Variants in GPC4 observed in about 807,000 individuals in gnomAD.
The protein encoded by GPC4 is glypican 4.
Under a neutral mutation model 35.0 loss-of-function variants are expected in GPC4, and 10 were observed. The ratio of observed to expected loss-of-function variants is 0.29; its 90% confidence interval spans 0.18 to 0.48. GPC4 has a LOEUF of 0.48. Among genes scored for constraint, GPC4 ranks in the 20% least tolerant of loss-of-function variants. GPC4 has a pLI of 0.99. For synonymous variants in GPC4, 167 were observed against 170.2 expected, an observed-to-expected ratio of 0.98 and a Z score of 0.15; for missense variants, 322 against 451.3, an observed-to-expected ratio of 0.71 and a Z score of 2.60.
intron 1 of GPC4, among the ~76,000 whole-genome samples, chrX:133,396,162 T>C (rs2068741942): frequency 8.9e-6 from 1 of 111,897 alleles, no homozygotes; most frequent in Non-Finnish European, 1.9e-5. Flanking sequence ...AACAAATTAA[T>C]GGTCCCTAGG....
intron 1 of GPC4, among the ~76,000 whole-genome samples, chrX:133,404,114 G>C (rs1177119785): frequency 8.9e-6 from 1 of 111,907 alleles, no homozygotes; most frequent in Non-Finnish European, 1.9e-5. Flanking sequence ...AGGGAAACCA[G>C]TATTCAAATG....
intron 1 of GPC4, among the ~76,000 whole-genome samples, chrX:133,351,407 T>C (rs1432982945): frequency 1.0e-5 from 1 of 97,182 alleles, no homozygotes; most frequent in African/African-American, 3.8e-5. Context: ...AAAACCTAAA[T>C]AGATCACGTG....
At chrX:133,311,606 A>G in intron 3 of GPC4, 183 bp from the exon 4 acceptor site, 4 of 474,552 alleles carry the variant, frequency 8.4e-6, no homozygotes, top group Non-Finnish European at 1.5e-5. Context: ...ATGTTGGGAC[A>G]GGGGAGAGGA....
chrX:133,397,457 T>C (rs2068748561), intron 1 of GPC4, among the ~76,000 whole-genome samples: 1 of 107,736 alleles, frequency 9.3e-6, no homozygotes, highest in Admixed American at 1.0e-4. Context: ...CTTGGGAGGG[T>C]GAGGTGGGAG....
At chrX:133,411,932 T>A (rs1281833073) in intron 1 of GPC4, among the ~76,000 whole-genome samples, 1 of 111,088 alleles carries the variant, frequency 9.0e-6, no homozygotes, top group Non-Finnish European at 1.9e-5. Flanking sequence ...CTAACTATGA[T>A]CTATAAAGAC....
In GPC4 at chrX:133,404,866, A is replaced by AAAAAAAAAAAAAAAAAG. The variant is rs753375530; in HGVS notation, c.160+9939_160+9940insCTTTTTTTTTTTTTTTT. Among the ~76,000 whole-genome samples the AAAAAAAAAAAAAAAAAG allele has an allele frequency of 7.4e-4, 66 of 89,261 alleles. 5 individuals are homozygous for AAAAAAAAAAAAAAAAAG. The highest frequency in any genetic ancestry group is 3.2e-3 in the African/African-American group (62 of 19,219). The allele number at this position is 89,261 out of a possible 115,157, so 77.5% of individuals were successfully genotyped here. On this transcript the variant is annotated intron_variant, in intron 1 of 8. Transcript: ENST00000370828. Reference sequence around the variant, plus strand: ...GACCCTGTCTCAAAAAAAAAAAAAAAAAGGTGCAGAGGAACAAAATCATAA... The same window carrying AAAAAAAAAAAAAAAAAG: ...GACCCTGTCTCAAAAAAAAAAAAAAAAAAAAAAAAAAAAAAAGAAGGTGCAGAGGAACAAAATCATAA...
At chrX:133,401,559 T>C (rs1270399208) in intron 1 of GPC4, among the ~76,000 whole-genome samples, 1 of 111,995 alleles carries the variant, frequency 8.9e-6, no homozygotes, top group Non-Finnish European at 1.9e-5. Context: ...TACAAGAAAA[T>C]TGATGCAGTC....
intron 1 of GPC4, among the ~76,000 whole-genome samples, chrX:133,378,699 G>C (rs1023852099): frequency 9.0e-6 from 1 of 111,443 alleles, no homozygotes; most frequent in African/African-American, 3.3e-5. Flanking sequence ...CAAAGAATTG[G>C]AATCATATAA....
intron 1 of GPC4, among the ~76,000 whole-genome samples, chrX:133,374,162 T>A (rs1270745227): frequency 9.0e-6 from 1 of 111,578 alleles, no homozygotes. Context: ...ATGATAGTGC[T>A]GAGCTGCAAG....
At chrX:133,407,281 G>A (rs991817828) in intron 1 of GPC4, among the ~76,000 whole-genome samples, 1 of 110,723 alleles carries the variant, frequency 9.0e-6, no homozygotes, top group Admixed American at 9.7e-5. Flanking sequence ...AAAGGTATTT[G>A]ACAACAAATT....
Position 133,415,263 on chromosome X carries a change from G to A in GPC4, c.-298C>T. The stretch of plus-strand genomic sequence containing the variant: ...GGGCTGGTGACCTCGGGGTTTCGCG[G>A]GGCAGCGAACCCGGCAAGCTGACTG... On this transcript the variant is annotated 5_prime_UTR_variant, in exon 1 of 9. Transcript: ENST00000370828. The A allele has an allele frequency of 3.7e-6, 1 of 273,505 alleles. No homozygotes were observed. Among genetic ancestry groups the A allele is most frequent in the South Asian group, 8.6e-5 (1 of 11,649 alleles). 22.5% of individuals were successfully genotyped at this position (273,505 alleles called of 1,213,427 possible). A position where few individuals can be genotyped will look rare whatever the true frequency, so the allele number is the denominator to read the frequency against.
intron 1 of GPC4, among the ~76,000 whole-genome samples, chrX:133,362,668 T>C (rs2068574201): frequency 2.7e-5 from 3 of 112,005 alleles, no homozygotes; most frequent in African/African-American, 9.7e-5. Flanking sequence ...GCTTACAATA[T>C]TGCCAGCATT....
At chrX:133,365,158 A>C (rs2068584612) in intron 1 of GPC4, among the ~76,000 whole-genome samples, 1 of 109,896 alleles carries the variant, frequency 9.1e-6, no homozygotes, top group Admixed American at 9.7e-5. Context: ...AAGCTTCTCA[A>C]TTTTTTTTTC....
intron 3 of GPC4, among the ~76,000 whole-genome samples, chrX:133,320,523 C>T (rs1164230660): frequency 9.5e-6 from 1 of 104,845 alleles, no homozygotes; most frequent in Admixed American, 1.1e-4. Context: ...ACTTGGGAGG[C>T]TGAGGCAGGA....
Position 133,305,900 on chromosome X carries a change from G to A in GPC4, c.1027C>T (p.Pro343Ser), listed in dbSNP as rs1484386047. 1 of 1,211,342 alleles carries A rather than the reference G, an allele frequency of 8.3e-7. No homozygotes were observed. The highest frequency in any genetic ancestry group is 2.2e-5 in the Admixed American group (1 of 45,951). Residue 343 changes from proline (P) to serine (S), a missense_variant, in exon 6 of 9, where the codon CCC becomes TCC. Physicochemically the swap from Pro to Ser is moderately conservative, Grantham distance 74. Around this residue, in one of 3 missense-constraint regions of GPC4, gnomAD observed 163 missense variants for 277.2 expected, o/e 0.59. Transcript: ENST00000370828. ...VSQKVFQGCG[P>S]PKPLPAGRIS... ...CGTCCAGCTGGGAGGGGCTTGGGGG[G>A]TCCACATCCCTGGAAAACCTGCATT...
At chrX:133,351,223 C>T (rs147152419) in intron 1 of GPC4, among the ~76,000 whole-genome samples, 25 of 111,550 alleles carry the variant, frequency 2.2e-4, no homozygotes, top group African/African-American at 4.2e-4. Flanking sequence ...CACTATGTTG[C>T]TATTCAGAGA....
intron 1 of GPC4, among the ~76,000 whole-genome samples, chrX:133,363,924 G>A (rs1024977272): frequency 1.8e-5 from 2 of 111,916 alleles, no homozygotes; most frequent in African/African-American, 6.5e-5. Flanking sequence ...CACATAAAAA[G>A]ATTCATGCAT....
In GPC4 at chrX:133,324,549, CCAAA is replaced by C; in HGVS notation, c.320-17_320-14del. ...TCTTTGAAGAATTCTGAAACCAACA[CCAAA>C]AAAAAAAAAAAAAAAAGGAAAAACG... is the stretch of plus-strand genomic sequence containing the variant. On this transcript the variant is annotated splice_polypyrimidine_tract_variant and intron_variant, in intron 2 of 8. Transcript: ENST00000370828. 6 of 794,730 alleles carry C rather than the reference CCAAA, an allele frequency of 7.5e-6. No homozygotes were observed. Among genetic ancestry groups the C allele is most frequent in the South Asian group, 6.0e-5 (1 of 16,760 alleles). 65.5% of individuals were successfully genotyped at this position (794,730 alleles called of 1,213,427 possible). A position where few individuals can be genotyped will look rare whatever the true frequency, so the allele number is the denominator to read the frequency against.
intron 1 of GPC4, among the ~76,000 whole-genome samples, chrX:133,359,444 C>T (rs942941692): frequency 9.0e-6 from 1 of 110,545 alleles, no homozygotes. Flanking sequence ...AAAAAATAGT[C>T]CAGAGAAGGA....
Sources: allele counts gnomAD v4.1 joint callset (sites outside exome capture counted in the v4.1 genomes callset), GRCh38; gene constraint gnomAD v4.1.1; regional missense constraint gnomAD v4.1.1; transcripts MANE v1.5; gene names NCBI Gene and HGNC (gene_info 2026-07-23, HGNC 2026-07-21).